Variants in PCDH10 observed in about 807,000 individuals in gnomAD.
PCDH10 encodes the protein protocadherin-10.
Under a neutral mutation model 74.4 loss-of-function variants are expected in PCDH10, and 15 were observed. The observed-to-expected ratio is 0.20, with a 90% CI of 0.13 to 0.31. PCDH10 has a LOEUF of 0.31. PCDH10 is among the 10% of genes least tolerant of loss of function. The pLI, the probability that PCDH10 is intolerant of heterozygous loss-of-function variation, is 1.00. For synonymous variants in PCDH10, 619 were observed against 589.8 expected, an observed-to-expected ratio of 1.05 and a Z score of -0.72; for missense variants, 1,260 against 1,390.2, an observed-to-expected ratio of 0.91 and a Z score of 1.49.
intron 3 of PCDH10, among the ~76,000 whole-genome samples, chr4:133,155,795 A>T (rs1182007443): frequency 2.0e-5 from 3 of 152,166 alleles, no homozygotes; most frequent in African/African-American, 7.2e-5. Flanking sequence ...AGATCCTGGT[A>T]ACTCTTATTA....
At chr4:133,169,459 C>T (rs988259204) in intron 4 of PCDH10, among the ~76,000 whole-genome samples, 4 of 151,774 alleles carry the variant, frequency 2.6e-5, no homozygotes, top group African/African-American at 4.8e-5. Flanking sequence ...GTTTATCTCA[C>T]GCATATTTAG....
chr4:133,150,139 A>G lies in PCDH10; in HGVS notation c.-2A>G. 6.6e-7 allele frequency: 1 copy of G among 1,505,772 alleles called. No individual in the cohort carries two copies. The highest frequency in any genetic ancestry group is 1.4e-5 in the African/African-American group (1 of 71,642). The allele number at this position is 1,505,772 out of a possible 1,614,324, so 93.3% of individuals were successfully genotyped here. ...GGGAAGCTACTTCCTTTCCTTTTGG[A>G]GATGATTGTGCTATTATTGTTTGCC... On this transcript the variant is annotated 5_prime_UTR_variant, in exon 1 of 5. Coordinates refer to ENST00000264360, the MANE Select transcript of PCDH10 (RefSeq NM_032961.3).
At chr4:133,153,306 C>T in intron 1 of PCDH10, 1 of 998,500 alleles carries the variant, frequency 1.0e-6, no homozygotes, top group Non-Finnish European at 1.2e-6. Context: ...GATCCTTCTC[C>T]TCTGAACTCG....
Position 133,191,649 on chromosome 4 carries a change from A to C in PCDH10, c.*1489A>C, listed in dbSNP as rs1174629894. 2.0e-5 allele frequency: 3 copies of C among 151,938 alleles called. No individual in the cohort carries two copies. The highest frequency in any genetic ancestry group is 4.4e-5 in the Non-Finnish European group (3 of 67,680). The allele number at this position is 151,938 out of a possible 1,614,324, so 9.4% of individuals were successfully genotyped here. ...TAGAACACATTCGAGAGAGGAAAAAAATCAGAGAATATAAGATAATCTTTC... is the reference window on the plus strand; with the variant it reads ...TAGAACACATTCGAGAGAGGAAAAACATCAGAGAATATAAGATAATCTTTC... On this transcript the variant is annotated 3_prime_UTR_variant, in exon 5 of 5. Coordinates refer to ENST00000264360, the MANE Select transcript of PCDH10 (RefSeq NM_032961.3).
rs1726773823 is a variant in PCDH10 at position 133,152,949 on chromosome 4, T to G, written c.2631+178T>G. The G allele has an allele frequency of 9.0e-6, 13 of 1,451,464 alleles. No individual in the cohort carries two copies. In the South Asian group the frequency reaches 1.8e-4, roughly 20 times the overall value. 89.9% of individuals were successfully genotyped at this position (1,451,464 alleles called of 1,614,324 possible). ...CCCACTCCTTCGTGTGTAACCTAAC[T>G]TTCGCGTTGTTCCACCCTTTCACAT... On this transcript the variant is annotated intron_variant, in intron 1 of 4. Transcript: ENST00000264360.
At chr4:133,207,951 C>T (rs888005984) in intron 2 of PCDH10, 3 of 152,062 alleles carry the variant, frequency 2.0e-5, no homozygotes, top group African/African-American at 7.2e-5. Flanking sequence ...TAAACCACCT[C>T]TAAAAAAATC....
Position 133,190,789 on chromosome 4 carries a change from G to T in PCDH10, c.*629G>T, listed in dbSNP as rs142441525. The T allele has an allele frequency of 4.0e-5, 6 of 150,888 alleles. No homozygotes were observed. The East Asian group carries it at 1.2e-3, about 29-fold the overall frequency. 9.3% of individuals were successfully genotyped at this position (150,888 alleles called of 1,614,324 possible). Reference sequence around the variant, plus strand: ...TTATATTATATAATTTTCCTAAAATGTGGTACAACTCAGTTGGTTTTTAAA... The same window carrying T: ...TTATATTATATAATTTTCCTAAAATTTGGTACAACTCAGTTGGTTTTTAAA... On this transcript the variant is annotated 3_prime_UTR_variant, in exon 5 of 5. Transcript: ENST00000264360.
In PCDH10 at chr4:133,150,272, C is replaced by T; in HGVS notation, c.132C>T (p.Asp44=). 1 of 1,613,946 alleles carries T rather than the reference C, an allele frequency of 6.2e-7. No homozygotes were observed. The highest frequency in any genetic ancestry group is 1.7e-5 in the Admixed American group (1 of 59,976). Residue 44 remains aspartate (D), a synonymous_variant, in exon 1 of 5, where the codon GAC becomes GAT. Transcript: ENST00000264360. ...ATATCGCTGAAGATCTGGGTCTGGACATTACAAAACTTTCGGCTCGCGGGT... is the reference window on the plus strand; with the variant it reads ...ATATCGCTGAAGATCTGGGTCTGGATATTACAAAACTTTCGGCTCGCGGGT... ...VGNIAEDLGL[D]ITKLSARGFQ... is the part of the protein sequence containing the mutation.
At chr4:133,185,311 T>G (rs1208837981) in intron 4 of PCDH10, among the ~76,000 whole-genome samples, 1 of 151,686 alleles carries the variant, frequency 6.6e-6, no homozygotes, top group African/African-American at 2.4e-5. Flanking sequence ...AGTGTTCAAA[T>G]GGAAGGCAAA....
intron 3 of PCDH10, among the ~76,000 whole-genome samples, chr4:133,161,960 A>G (rs935584287): frequency 2.2e-4 from 34 of 152,180 alleles, no homozygotes; most frequent in Non-Finnish European, 4.3e-4. Flanking sequence ...TGCTATATAT[A>G]TCAGCATTAA....
At chr4:133,196,921 A>T (rs532533064), downstream of PCDH10, among the ~76,000 whole-genome samples, 2 of 152,328 alleles carry the variant, frequency 1.3e-5, no homozygotes, top group South Asian at 4.1e-4. Context: ...AGTATAGAAT[A>T]TAGTCTACAA....
intron 4 of PCDH10, among the ~76,000 whole-genome samples, chr4:133,168,087 A>G (rs1334803115): frequency 1.3e-5 from 2 of 151,412 alleles, no homozygotes. Context: ...TTATTCCTCC[A>G]GTTAACTAAC....
In PCDH10 at chr4:133,190,353, G is replaced by T; in HGVS notation, c.*193G>T. 1 of 617,098 alleles carries T rather than the reference G, an allele frequency of 1.6e-6. No individual in the cohort carries two copies. 38.2% of individuals were successfully genotyped at this position (617,098 alleles called of 1,614,324 possible). ...GCAGGCCTGAGAAATGAGTTGAAAT[G>T]TGCAGAACTGTAGAAACTTTAGAGG... On this transcript the variant is annotated 3_prime_UTR_variant, in exon 5 of 5. Coordinates refer to ENST00000264360, the MANE Select transcript of PCDH10 (RefSeq NM_032961.3).
At chr4:133,206,633 T>C (rs1294380302) in intron 2 of PCDH10, among the ~76,000 whole-genome samples, 1 of 152,214 alleles carries the variant, frequency 6.6e-6, no homozygotes, top group East Asian at 1.9e-4. Flanking sequence ...ATTCAGAATG[T>C]TGTCATAGTT....
chr4:133,190,386 T>G lies in PCDH10; in HGVS notation c.*226T>G, dbSNP rs1285698676. 1.0e-5 allele frequency: 6 copies of G among 586,014 alleles called. No homozygotes were observed. The highest frequency in any genetic ancestry group is 6.2e-5 in the Admixed American group (2 of 32,324). 36.3% of individuals were successfully genotyped at this position (586,014 alleles called of 1,614,324 possible). ...CTGTAGAAACTTTAGAGGCAACAGA[T>G]TTTGCCTCCCCGATCAGTGTGTGCC... is the stretch of plus-strand genomic sequence containing the variant. On this transcript the variant is annotated 3_prime_UTR_variant, in exon 5 of 5. Transcript: ENST00000264360.
At chr4:133,205,620 TC>T (rs1727984124) in intron 2 of PCDH10, among the ~76,000 whole-genome samples, 1 of 152,144 alleles carries the variant, frequency 6.6e-6, no homozygotes, top group Non-Finnish European at 1.5e-5. Flanking sequence ...TTTTTCTTCA[TC>T]TTTTTGGCTC....
chr4:133,203,285 C>T (rs960776158), intron 2 of PCDH10, among the ~76,000 whole-genome samples: 2 of 152,114 alleles, frequency 1.3e-5, no homozygotes, highest in African/African-American at 4.8e-5. Flanking sequence ...GTTCTCTCCC[C>T]TTGTATTCAA....
At chr4:133,163,576 T>C (rs1727019620) in intron 4 of PCDH10, among the ~76,000 whole-genome samples, 1 of 152,174 alleles carries the variant, frequency 6.6e-6, no homozygotes, top group Non-Finnish European at 1.5e-5. Context: ...TTCCATAATA[T>C]ATTTCCTTTG....
chr4:133,186,059 G>A (rs1040704344), intron 4 of PCDH10, among the ~76,000 whole-genome samples: 3 of 151,882 alleles, frequency 2.0e-5, no homozygotes, highest in Admixed American at 2.0e-4. Flanking sequence ...ATTTGTTTAA[G>A]TATTTAATTT....
Sources: gnomAD v4.1 joint callset for allele counts (sites outside exome capture counted in the v4.1 genomes callset) on GRCh38, gnomAD v4.1.1 for gene constraint, MANE v1.5 for transcripts, NCBI Gene and HGNC (gene_info 2026-07-23, HGNC 2026-07-21) for gene names.